The following NXPH1 variants were observed in gnomAD, a reference collection of about 807,000 sequenced individuals.
NXPH1 encodes neurexophilin 1.
Under a neutral mutation model 23.7 loss-of-function variants are expected in NXPH1, and 5 were observed. That is an observed-to-expected ratio of 0.21 (90% confidence interval 0.11 to 0.44). The LOEUF is 0.44. Among genes scored for constraint, NXPH1 ranks in the 20% least tolerant of loss-of-function variants. NXPH1 has a pLI of 0.99. For synonymous variants in NXPH1, 144 were observed against 122.2 expected (o/e 1.18, Z -1.18); for missense variants, 324 against 321.6 (o/e 1.01, Z -0.06).
chr7:8,526,899 A>T (rs1817869883), intron 2 of NXPH1, among the ~76,000 whole-genome samples: 1 of 152,134 alleles, frequency 6.6e-6, no homozygotes, highest in Non-Finnish European at 1.5e-5. Flanking sequence ...AGGTAAATAT[A>T]TTGTCGTGCA....
intron 2 of NXPH1, among the ~76,000 whole-genome samples, chr7:8,728,586 A>C (rs1457148870): frequency 6.6e-6 from 1 of 152,078 alleles, no homozygotes. Context: ...TTCTGCATCT[A>C]TTGAGATAAT....
chr7:8,538,749 A>T (rs563352029), intron 2 of NXPH1, among the ~76,000 whole-genome samples: 1 of 151,950 alleles, frequency 6.6e-6, no homozygotes, highest in African/African-American at 2.4e-5. Context: ...GCAGAAAAAT[A>T]TATCAATTCA....
intron 2 of NXPH1, among the ~76,000 whole-genome samples, chr7:8,595,454 T>C (rs1819200981): frequency 6.6e-6 from 1 of 152,052 alleles, no homozygotes; most frequent in Non-Finnish European, 1.5e-5. Context: ...CTGGAAATTA[T>C]TTGGTAAAAT....
chr7:8,695,600 C>A (rs981364918), intron 2 of NXPH1, among the ~76,000 whole-genome samples: 5 of 152,116 alleles, frequency 3.3e-5, no homozygotes, highest in African/African-American at 9.7e-5. Context: ...TAGATATGAA[C>A]CATTTCAGCC....
In NXPH1 at chr7:8,716,045, G is replaced by A. The variant is rs577912486; in HGVS notation, c.55-34963G>A. ...TGGGTTGTAGGTGCTGAGCACTAAT[G>A]TGAGTTTCACATGGCAAAAACAAAA... On this transcript the variant is annotated intron_variant, in intron 2 of 2. Coordinates refer to ENST00000405863, the MANE Select transcript of NXPH1 (RefSeq NM_152745.3). Among the ~76,000 whole-genome samples, 38 of 152,204 alleles carry A rather than the reference G, an allele frequency of 2.5e-4. No individual in the cohort carries two copies. The Middle Eastern group carries it at 0.014, about 55-fold the overall frequency.
chr7:8,544,749 T>G (rs1053299046), intron 2 of NXPH1, among the ~76,000 whole-genome samples: 18 of 151,670 alleles, frequency 1.2e-4, no homozygotes, highest in Admixed American at 3.3e-4. Flanking sequence ...AAGAGTGGTT[T>G]TCATCATTTA....
chr7:8,645,765 A>G (rs1033866010), intron 2 of NXPH1, among the ~76,000 whole-genome samples: 4 of 152,074 alleles, frequency 2.6e-5, no homozygotes, highest in Non-Finnish European at 4.4e-5. Context: ...GGAGTACATT[A>G]CGATGTAGTA....
chr7:8,439,734 G>A (rs1003486911), intron 2 of NXPH1, among the ~76,000 whole-genome samples: 10 of 152,178 alleles, frequency 6.6e-5, no homozygotes, highest in Middle Eastern at 3.2e-3. Flanking sequence ...AGTAATTAAT[G>A]TATCTATGGG....
intron 2 of NXPH1, among the ~76,000 whole-genome samples, chr7:8,525,074 C>T (rs1021798808): frequency 2.6e-5 from 4 of 152,120 alleles, no homozygotes; most frequent in Non-Finnish European, 5.9e-5. Context: ...TTTGGAACTT[C>T]CTAGAGACTT....
intron 2 of NXPH1, among the ~76,000 whole-genome samples, chr7:8,542,773 A>G (rs1818139752): frequency 6.6e-6 from 1 of 151,514 alleles, no homozygotes; most frequent in East Asian, 1.9e-4. Context: ...AGGAAAAATT[A>G]TTATGTTAGA....
At chr7:8,488,025 T>C (rs1355340927) in intron 2 of NXPH1, among the ~76,000 whole-genome samples, 2 of 152,158 alleles carry the variant, frequency 1.3e-5, no homozygotes, top group Non-Finnish European at 2.9e-5. Flanking sequence ...TAGGTACTTA[T>C]CAGGCTCTGC....
chr7:8,595,749 G>A (rs993646736), intron 2 of NXPH1, among the ~76,000 whole-genome samples: 3 of 151,926 alleles, frequency 2.0e-5, no homozygotes, highest in South Asian at 4.2e-4. Flanking sequence ...GTGCATGTGC[G>A]CTTCTGGGGA....
chr7:8,481,697 A>T (rs542783042), intron 2 of NXPH1, among the ~76,000 whole-genome samples: 1 of 152,166 alleles, frequency 6.6e-6, no homozygotes, highest in South Asian at 2.1e-4. Context: ...TTCATTTTAG[A>T]TTCAGTGGGT....
chr7:8,498,151 GTTA>G (rs78646483), intron 2 of NXPH1, among the ~76,000 whole-genome samples: 11,269 of 152,052 alleles, frequency 0.074, 459 homozygotes, highest in South Asian at 0.089. Flanking sequence ...ACACACGCAA[GTTA>G]TTATTATTAC....
chr7:8,645,284 G>C (rs1007764148), intron 2 of NXPH1, among the ~76,000 whole-genome samples: 1 of 152,082 alleles, frequency 6.6e-6, no homozygotes, highest in South Asian at 2.1e-4. Context: ...ATTTCCACAA[G>C]TTCTATGTCA....
At chr7:8,485,416 G>A (rs1399946735) in intron 2 of NXPH1, among the ~76,000 whole-genome samples, 1 of 152,060 alleles carries the variant, frequency 6.6e-6, no homozygotes, top group Non-Finnish European at 1.5e-5. Context: ...GAAAACTGAA[G>A]CCAAACTAAA....
chr7:8,673,236 G>T (rs1050648594), intron 2 of NXPH1, among the ~76,000 whole-genome samples: 1 of 152,082 alleles, frequency 6.6e-6, no homozygotes, highest in Admixed American at 6.6e-5. Flanking sequence ...AGGAGCAAAA[G>T]TTATTTGAGT....
At chr7:8,685,453 G>A (rs1403136662) in intron 2 of NXPH1, among the ~76,000 whole-genome samples, 1 of 150,108 alleles carries the variant, frequency 6.7e-6, no homozygotes, top group Non-Finnish European at 1.5e-5. Flanking sequence ...TTTTTTTATG[G>A]CTGAATAGTA....
intron 2 of NXPH1, among the ~76,000 whole-genome samples, chr7:8,525,115 C>T (rs996133773): frequency 1.0e-3 from 156 of 151,952 alleles, no homozygotes; most frequent in African/African-American, 3.7e-3. Context: ...ATTCTGATAG[C>T]GATATGGACA....
Sources: allele counts gnomAD v4.1 joint callset (sites outside exome capture counted in the v4.1 genomes callset), GRCh38; gene constraint gnomAD v4.1.1; transcripts MANE v1.5; gene names NCBI Gene and HGNC (gene_info 2026-07-23, HGNC 2026-07-21).